The following AUTS2 variants were observed in gnomAD, a reference collection of about 807,000 sequenced individuals.
AUTS2 encodes autism susceptibility gene 2 protein.
A neutral mutation model predicts 112.4 loss-of-function variants in AUTS2; 17 were observed. The observed-to-expected ratio is 0.15, with a 90% confidence interval of 0.10 to 0.23. AUTS2 has a LOEUF of 0.23. Ranked by LOEUF, AUTS2 falls within the 10% of genes least tolerant of loss-of-function variation. The pLI is 1.00. For synonymous variants in AUTS2, 751 were observed against 702.7 expected (o/e 1.07, Z -1.09); for missense variants, 1,510 against 1,701.6 (o/e 0.89, Z 1.98).
In AUTS2 at chr7:70,645,294, C is replaced by T. The variant is rs958221393; in HGVS notation, c.691-53275C>T. ...GAGAGCATCTAAAACTCTGCAGAGT[C>T]CCTGGATCTCCCCAGACCCCTCTCT... On this transcript the variant is annotated intron_variant, in intron 5 of 18. Transcript: ENST00000342771. Among the ~76,000 whole-genome samples, 7 of 140,406 alleles carry T rather than the reference C, an allele frequency of 5.0e-5. No homozygotes were observed. The East Asian group carries it at 1.6e-3, about 32-fold the overall frequency. 92.1% of individuals were successfully genotyped at this position (140,406 alleles called of 152,430 possible).
In AUTS2 at chr7:70,658,427, G is replaced by A. The variant is rs576872822; in HGVS notation, c.691-40142G>A. Among the ~76,000 whole-genome samples the A allele has an allele frequency of 7.2e-5, 11 of 152,350 alleles. No homozygotes were observed. The South Asian group carries it at 2.3e-3, about 32-fold the overall frequency. ...TTCAAAGCCCTGCTGCCACCTACGA[G>A]AGCCTTTGATCCATCTCTCGGCTGA... On this transcript the variant is annotated intron_variant, in intron 5 of 18. Transcript: ENST00000342771.
chr7:70,455,593 G>C (rs1796707008), intron 5 of AUTS2, among the ~76,000 whole-genome samples: 1 of 152,140 alleles, frequency 6.6e-6, no homozygotes, highest in African/African-American at 2.4e-5. Context: ...TGTGCTCAGA[G>C]AGGCACTTTG....
chr7:69,680,246 CA>C (rs1796732006), intron 1 of AUTS2, among the ~76,000 whole-genome samples: 1 of 152,156 alleles, frequency 6.6e-6, no homozygotes, highest in Non-Finnish European at 1.5e-5. Context: ...AGTATGGTTA[CA>C]TAGGTAGGGA....
At chr7:69,948,404 A>C (rs941372323) in intron 2 of AUTS2, among the ~76,000 whole-genome samples, 3 of 152,204 alleles carry the variant, frequency 2.0e-5, no homozygotes, top group Non-Finnish European at 4.4e-5. Flanking sequence ...ATTTTCTCAA[A>C]TACTGGGAAC....
At chr7:70,029,260 CTTT>C (rs34751901) in intron 2 of AUTS2, among the ~76,000 whole-genome samples, 12 of 124,790 alleles carry the variant, frequency 9.6e-5, no homozygotes, top group African/African-American at 1.2e-4. Flanking sequence ...TCCAGGGATA[CTTT>C]TTTTTTTTTT....
intron 5 of AUTS2, among the ~76,000 whole-genome samples, chr7:70,486,908 C>CCCCA (rs1554410189): frequency 8.4e-6 from 1 of 118,862 alleles, no homozygotes; most frequent in South Asian, 3.8e-4. Context: ...CCCCCCCCCC[C>CCCCA]AAAAAAAAAG....
chr7:70,469,802 G>A (rs992038290), intron 5 of AUTS2, among the ~76,000 whole-genome samples: 7 of 152,192 alleles, frequency 4.6e-5, no homozygotes, highest in African/African-American at 1.2e-4. Context: ...CACCACGCCC[G>A]GCTAATTTTT....
intron 6 of AUTS2, among the ~76,000 whole-genome samples, chr7:70,706,638 A>G (rs1275128696): frequency 6.6e-6 from 1 of 152,220 alleles, no homozygotes; most frequent in Non-Finnish European, 1.5e-5. Context: ...TGGTTCCCTA[A>G]TAGCCATTTG....
intron 5 of AUTS2, among the ~76,000 whole-genome samples, chr7:70,683,634 G>A (rs1808315870): frequency 6.6e-6 from 1 of 152,252 alleles, no homozygotes; most frequent in Admixed American, 6.5e-5. Flanking sequence ...GTTTGGAGCA[G>A]AAGAAGAAAT....
At chr7:70,651,334 C>G (rs1806495678) in intron 5 of AUTS2, among the ~76,000 whole-genome samples, 2 of 152,330 alleles carry the variant, frequency 1.3e-5, no homozygotes, top group South Asian at 2.1e-4. Context: ...CTGTAGCAAA[C>G]TCACGAAACT....
At chr7:70,021,474 C>G (rs189127420) in intron 2 of AUTS2, among the ~76,000 whole-genome samples, 180 of 152,220 alleles carry the variant, frequency 1.2e-3, no homozygotes, top group Admixed American at 5.2e-3. Context: ...TGAAGAGGCC[C>G]CATCTGCTAT....
intron 5 of AUTS2, among the ~76,000 whole-genome samples, chr7:70,529,607 C>T (rs2129497500): frequency 6.6e-6 from 1 of 152,370 alleles, no homozygotes; most frequent in South Asian, 2.1e-4. Flanking sequence ...TCCTGCCTTT[C>T]ATCCCAGGCT....
intron 1 of AUTS2, among the ~76,000 whole-genome samples, chr7:69,670,442 A>T (rs1201510631): frequency 6.6e-6 from 1 of 152,072 alleles, no homozygotes; most frequent in South Asian, 2.1e-4. Flanking sequence ...AGTGAAAGAA[A>T]GGAGAAAAGT....
intron 1 of AUTS2, among the ~76,000 whole-genome samples, chr7:69,755,829 G>A (rs375244774): frequency 6.6e-6 from 1 of 152,062 alleles, no homozygotes; most frequent in South Asian, 2.1e-4. Context: ...GTATCTTGTG[G>A]TAGGAGCTAG....
intron 5 of AUTS2, among the ~76,000 whole-genome samples, chr7:70,536,651 A>G (rs1413890108): frequency 7.9e-6 from 1 of 127,306 alleles, no homozygotes; most frequent in Non-Finnish European, 1.6e-5. Context: ...CTGTAATCCC[A>G]GGACTTTGGG....
intron 1 of AUTS2, among the ~76,000 whole-genome samples, chr7:69,719,696 T>C (rs1400038236): frequency 3.3e-5 from 5 of 152,214 alleles, no homozygotes; most frequent in African/African-American, 1.2e-4. Context: ...ACGTTGCTTT[T>C]AGTTAAATGT....
chr7:70,392,753 C>T (rs145651013), intron 4 of AUTS2, among the ~76,000 whole-genome samples: 48 of 152,302 alleles, frequency 3.2e-4, no homozygotes, highest in South Asian at 6.2e-4. Context: ...CCATTGGTAC[C>T]GCTCTTGCTT....
intron 4 of AUTS2, among the ~76,000 whole-genome samples, chr7:70,174,410 C>T (rs1228919395): frequency 6.6e-6 from 1 of 152,172 alleles, no homozygotes; most frequent in Admixed American, 6.5e-5. Flanking sequence ...AACACAAGTG[C>T]TGATGGAGTA....
chr7:70,190,013 G>A (rs990387291), intron 4 of AUTS2, among the ~76,000 whole-genome samples: 3 of 152,208 alleles, frequency 2.0e-5, no homozygotes, highest in Non-Finnish European at 4.4e-5. Context: ...GGTCCATGAT[G>A]TGTGCTTAGT....
Sources: gnomAD v4.1 joint callset for allele counts (sites outside exome capture counted in the v4.1 genomes callset) on GRCh38, gnomAD v4.1.1 for gene constraint, MANE v1.5 for transcripts, NCBI Gene and HGNC (gene_info 2026-07-23, HGNC 2026-07-21) for gene names.